The following KMT5B variants were observed in gnomAD, a reference collection of about 807,000 sequenced individuals.
KMT5B encodes lysine methyltransferase 5B.
In KMT5B, 10 loss-of-function variants were observed where a neutral mutation model predicts 83.2. That is an observed-to-expected ratio of 0.12 (90% CI 0.07 to 0.20). The LOEUF (loss-of-function observed/expected upper bound fraction) is 0.20. KMT5B is among the 10% of genes least tolerant of loss of function. The probability of loss-of-function intolerance (pLI) is 1.00; values close to 1 mark genes in which losing one functional copy is unlikely to be tolerated. For synonymous variants in KMT5B, 349 were observed against 388.8 expected (o/e 0.90, Z 1.20); for missense variants, 753 against 1,067.2 (o/e 0.71, Z 4.10).
At chr11:68,186,862 G>A (rs558715039) in intron 2 of KMT5B, among the ~76,000 whole-genome samples, 15 of 152,310 alleles carry the variant, frequency 9.8e-5, no homozygotes, top group Admixed American at 3.9e-4. Context: ...TTAAATGTAA[G>A]TTCCTGCCAA....
Position 68,158,713 on chromosome 11 carries a change from T to C in KMT5B, c.1633A>G (p.Arg545Gly), listed in dbSNP as rs781214162. The C allele has an allele frequency of 6.2e-7, 1 of 1,614,164 alleles. No individual in the cohort carries two copies. The highest frequency in any genetic ancestry group is 1.1e-5 in the South Asian group (1 of 91,080). Residue 545 changes from arginine (R) to glycine (G), a missense_variant, in exon 11 of 11, where the codon AGA becomes GGA. Transcript: ENST00000304363. ...TYITRRSVRT[R>G]TNLKEASDIK... ...TCAGAGGCCTCCTTCAGATTTGTTC[T>C]TGTCCTCACTGACCGCCGAGTTATG...
chr11:68,187,414 T>C (rs918184129), intron 2 of KMT5B, among the ~76,000 whole-genome samples: 2 of 152,378 alleles, frequency 1.3e-5, no homozygotes, highest in Admixed American at 6.5e-5. Context: ...CAAAATGTTT[T>C]CTGATTTCCT....
chr11:68,191,207 G>GTGTGTGTGTT (rs1275078710), intron 1 of KMT5B, among the ~76,000 whole-genome samples: 2 of 151,436 alleles, frequency 1.3e-5, no homozygotes, highest in Non-Finnish European at 2.9e-5. Context: ...GTGTGTGTGT[G>GTGTGTGTGTT]TAGAGACGAG....
chr11:68,188,940 C>T (rs1232356946), intron 2 of KMT5B, among the ~76,000 whole-genome samples: 1 of 152,192 alleles, frequency 6.6e-6, no homozygotes, highest in Non-Finnish European at 1.5e-5. Flanking sequence ...TTGCCTCTTC[C>T]TACTCTTGTC....
chr11:68,186,882 T>A (rs1452488237), intron 2 of KMT5B, among the ~76,000 whole-genome samples: 2 of 152,264 alleles, frequency 1.3e-5, no homozygotes, highest in Admixed American at 1.3e-4. Context: ...AGGGTAGACA[T>A]ATGATTTTGC....
chr11:68,204,596 G>A (rs952473174), intron 1 of KMT5B, among the ~76,000 whole-genome samples: 10 of 147,514 alleles, frequency 6.8e-5, no homozygotes, highest in African/African-American at 2.5e-4. Context: ...AAAACCGTGA[G>A]AGAATAAATT....
In KMT5B at chr11:68,155,278, C is replaced by T. The variant is rs1034726309; in HGVS notation, c.*2410G>A. ...TCCGGAACAGTTCCGAGGCCCCTAC[C>T]TTTACCAACGGAAATTAGGTTTCCC... On this transcript the variant is annotated 3_prime_UTR_variant, in exon 11 of 11. Transcript: ENST00000304363. 1.1e-4 allele frequency: 17 copies of T among 152,180 alleles called. No homozygotes were observed. Among genetic ancestry groups the T allele is most frequent in the African/African-American group, 4.1e-4 (17 of 41,424 alleles). 9.4% of individuals were successfully genotyped at this position (152,180 alleles called of 1,614,324 possible).
At chr11:68,189,077 T>C (rs1372281100) in intron 2 of KMT5B, among the ~76,000 whole-genome samples, 1 of 152,214 alleles carries the variant, frequency 6.6e-6, no homozygotes, top group African/African-American at 2.4e-5. Flanking sequence ...CTATCAGAAC[T>C]TGTACAATCT....
intron 1 of KMT5B, among the ~76,000 whole-genome samples, chr11:68,206,501 C>T (rs536326837): frequency 2.0e-5 from 3 of 152,164 alleles, no homozygotes; most frequent in African/African-American, 7.2e-5. Context: ...AGAGGCAGCC[C>T]GCACAGGGAT....
chr11:68,207,059 G>A (rs554196327), intron 1 of KMT5B, among the ~76,000 whole-genome samples: 3 of 151,560 alleles, frequency 2.0e-5, no homozygotes, highest in South Asian at 2.1e-4. Context: ...TGGCTAACAC[G>A]GTGAAACCCC....
chr11:68,193,655 A>C (rs1457814272), intron 1 of KMT5B, among the ~76,000 whole-genome samples: 1 of 151,928 alleles, frequency 6.6e-6, no homozygotes, highest in Non-Finnish European at 1.5e-5. Flanking sequence ...AGGTTTCACT[A>C]AACAGTCTTC....
At chr11:68,170,929 C>T (rs575569439) in intron 9 of KMT5B, 86 bp downstream of exon 9, 22 of 1,388,832 alleles carry the variant, frequency 1.6e-5, no homozygotes, top group Non-Finnish European at 2.0e-5. Context: ...TGCATTTAAA[C>T]AACAAAGAGA....
At chr11:68,163,913 T>C (rs1855068455) in intron 10 of KMT5B, among the ~76,000 whole-genome samples, 1 of 152,158 alleles carries the variant, frequency 6.6e-6, no homozygotes, top group Non-Finnish European at 1.5e-5. Context: ...TAAGATCAAC[T>C]TCTCCCTCTG....
At chr11:68,168,070 G>A (rs1855488574) in intron 9 of KMT5B, among the ~76,000 whole-genome samples, 1 of 152,128 alleles carries the variant, frequency 6.6e-6, no homozygotes, top group African/African-American at 2.4e-5. Flanking sequence ...CAGCTACTCG[G>A]GAGGCTGAGG....
chr11:68,198,278 G>T (rs960770843), intron 1 of KMT5B, among the ~76,000 whole-genome samples: 1 of 152,178 alleles, frequency 6.6e-6, no homozygotes, highest in Non-Finnish European at 1.5e-5. Context: ...CAGCTACTTG[G>T]GAGGCTGAGG....
chr11:68,183,547 C>T (rs2054865), intron 3 of KMT5B, among the ~76,000 whole-genome samples: 68,366 of 151,360 alleles, frequency 0.45, 16,001 homozygotes, highest in East Asian at 0.64. Flanking sequence ...TTAGTAGAGA[C>T]GGGGTTTCAG....
At chr11:68,212,295 GC>G (rs145190742) in intron 1 of KMT5B, among the ~76,000 whole-genome samples, 3,340 of 152,152 alleles carry the variant, frequency 0.022, 158 homozygotes, top group East Asian at 0.22. Flanking sequence ...TAATTCACCT[GC>G]CCTCTATTCT....
chr11:68,170,988 G>C (rs1414514411), intron 9 of KMT5B, 27 bp downstream of exon 9: 3 of 1,563,378 alleles, frequency 1.9e-6, no homozygotes, highest in East Asian at 4.5e-5. Flanking sequence ...AAAATGTTTA[G>C]GCTGAACATT....
rs1034778530 is a variant in KMT5B at position 68,155,613 on chromosome 11, G to A, written c.*2075C>T. 6.6e-6 allele frequency: 1 copy of A among 152,164 alleles called. No homozygotes were observed. Among genetic ancestry groups the A allele is most frequent in the Non-Finnish European group, 1.5e-5 (1 of 68,040 alleles). The allele number at this position is 152,164 out of a possible 1,614,324, so 9.4% of individuals were successfully genotyped here. A position where few individuals can be genotyped will look rare whatever the true frequency, so the allele number is the denominator to read the frequency against. ...AAACTAAGGTGGGAATACAAGAGGT[G>A]ACCCGCTGCCCTCCAGCACCTCCAG... is the stretch of plus-strand genomic sequence containing the variant. On this transcript the variant is annotated 3_prime_UTR_variant, in exon 11 of 11. Transcript: ENST00000304363.
Sources: gnomAD v4.1 joint callset for allele counts (sites outside exome capture counted in the v4.1 genomes callset) on GRCh38, gnomAD v4.1.1 for gene constraint, MANE v1.5 for transcripts, NCBI Gene and HGNC (gene_info 2026-07-23, HGNC 2026-07-21) for gene names.